Variants in RNF13 observed in about 807,000 individuals in gnomAD.
RNF13 encodes E3 ubiquitin-protein ligase RNF13.
A neutral mutation model predicts 37.7 loss-of-function variants in RNF13; 19 were observed. That is an observed-to-expected ratio of 0.50 (90% CI 0.35 to 0.74). The LOEUF is 0.74. Ranked by LOEUF, RNF13 falls within the 30% of genes least tolerant of loss-of-function variation. The pLI, the probability that RNF13 is intolerant of heterozygous loss-of-function variation, is 0.01. For missense variants in RNF13, 375 were observed against 453.0 expected, an observed-to-expected ratio of 0.83 and a Z score of 1.56; for synonymous variants, 144 against 157.8, an observed-to-expected ratio of 0.91 and a Z score of 0.65.
chr3:149,891,665 T>G (rs1237593782), intron 4 of RNF13, among the ~76,000 whole-genome samples: 2 of 152,248 alleles, frequency 1.3e-5, no homozygotes, highest in Admixed American at 1.3e-4. Flanking sequence ...AAAGGCAGAT[T>G]GCCAATACAA....
At chr3:149,910,036 A>G (rs754852818) in intron 6 of RNF13, among the ~76,000 whole-genome samples, 3 of 152,092 alleles carry the variant, frequency 2.0e-5, no homozygotes, top group South Asian at 2.1e-4. Flanking sequence ...AGGATATGCA[A>G]TAGTCTGGCT....
intron 8 of RNF13, among the ~76,000 whole-genome samples, chr3:149,948,561 CA>C (rs1721003707): frequency 6.6e-6 from 1 of 152,110 alleles, no homozygotes; most frequent in African/African-American, 2.4e-5. Flanking sequence ...AAAGTTCTAA[CA>C]ATCTGTTTTA....
chr3:149,943,884 C>T (rs1171213024), intron 8 of RNF13, among the ~76,000 whole-genome samples: 3 of 151,824 alleles, frequency 2.0e-5, no homozygotes, highest in Non-Finnish European at 4.4e-5. Context: ...CATATGTATA[C>T]ATGTGCCATG....
intron 1 of RNF13, among the ~76,000 whole-genome samples, chr3:149,817,529 C>A (rs1719591643): frequency 6.6e-6 from 1 of 152,162 alleles, no homozygotes; most frequent in Admixed American, 6.5e-5. Flanking sequence ...ATTATCCTGT[C>A]TTTGTTACCT....
intron 8 of RNF13, among the ~76,000 whole-genome samples, chr3:149,938,536 C>G (rs1490016478): frequency 6.6e-6 from 1 of 150,480 alleles, no homozygotes; most frequent in African/African-American, 2.5e-5. Flanking sequence ...TGTAATGCCT[C>G]TCTATCTGTG....
In RNF13 at chr3:149,872,014, C is replaced by T. The variant is rs1157616435; in HGVS notation, c.196-15C>T. The T allele has an allele frequency of 9.5e-6, 15 of 1,573,880 alleles. No homozygotes were observed. The highest frequency in any genetic ancestry group is 8.3e-5 in the Admixed American group (4 of 48,350). ...GAGTGAAACAGAGAGATAATTTTTA[C>T]CAATTCTTTTTCAGGGTTTTTTGAT... On this transcript the variant is annotated splice_polypyrimidine_tract_variant and intron_variant, in intron 3 of 9. Transcript: ENST00000392894.
At chr3:149,919,358 A>C (rs116051084) in intron 7 of RNF13, among the ~76,000 whole-genome samples, 1,837 of 152,244 alleles carry the variant, frequency 0.012, 31 homozygotes, top group African/African-American at 0.041. Flanking sequence ...AAAGTTTGGC[A>C]ATGCCTTCCT....
intron 1 of RNF13, among the ~76,000 whole-genome samples, chr3:149,816,224 T>TG (rs1238597483): frequency 6.6e-6 from 1 of 152,012 alleles, no homozygotes; most frequent in Non-Finnish European, 1.5e-5. Context: ...AAGTGGGAAG[T>TG]GGGGGAATTA....
chr3:149,867,105 T>C (rs1424865175), intron 3 of RNF13, among the ~76,000 whole-genome samples: 2 of 152,200 alleles, frequency 1.3e-5, no homozygotes, highest in Non-Finnish European at 2.9e-5. Flanking sequence ...TATGCTAAAG[T>C]TCCCTACTAT....
At chr3:149,950,052 G>A (rs1721165172) in intron 8 of RNF13, among the ~76,000 whole-genome samples, 1 of 151,910 alleles carries the variant, frequency 6.6e-6, no homozygotes, top group Non-Finnish European at 1.5e-5. Flanking sequence ...AAGATACTTT[G>A]CTCAAGATGT....
chr3:149,936,153 T>C (rs1344211185), intron 8 of RNF13, among the ~76,000 whole-genome samples: 2 of 152,124 alleles, frequency 1.3e-5, no homozygotes, highest in African/African-American at 2.4e-5. Context: ...TTTTCTGCTT[T>C]TATGCTCCTC....
intron 2 of RNF13, among the ~76,000 whole-genome samples, 183 bp downstream of exon 2, chr3:149,846,323 A>G (rs1200631405): frequency 6.6e-6 from 1 of 152,094 alleles, no homozygotes; most frequent in Admixed American, 6.5e-5. Context: ...ATTTTTTGAG[A>G]CGGAATTTCA....
At chr3:149,829,410 G>A (rs1438356457) in intron 1 of RNF13, among the ~76,000 whole-genome samples, 3 of 152,030 alleles carry the variant, frequency 2.0e-5, no homozygotes, top group Non-Finnish European at 4.4e-5. Flanking sequence ...AGAAAAACCT[G>A]TTTTTTCTTA....
At position 149,898,119 on chromosome 3, in the gene RNF13, T is replaced by C. The variant is rs546291093; in HGVS notation, c.409+2559T>C. ...TTCATCTATAATAGTGTGAATAATTTTGATAATTATTTGACCTGACAAATT... is the reference window on the plus strand; with the variant it reads ...TTCATCTATAATAGTGTGAATAATTCTGATAATTATTTGACCTGACAAATT... On this transcript the variant is annotated intron_variant, in intron 5 of 9. Coordinates refer to ENST00000392894, the MANE Select transcript of RNF13 (RefSeq NM_183381.3). Among the ~76,000 whole-genome samples, 2 of 152,330 alleles carry C rather than the reference T, an allele frequency of 1.3e-5. 1 individual carries two copies. The highest frequency in any genetic ancestry group is 4.1e-4 in the South Asian group (2 of 4,834).
chr3:149,958,024 A>T (rs1475709863), intron 8 of RNF13, among the ~76,000 whole-genome samples: 1 of 152,216 alleles, frequency 6.6e-6, no homozygotes, highest in African/African-American at 2.4e-5. Flanking sequence ...CTACGGCAAT[A>T]AAATATGGGA....
At chr3:149,866,402 C>T (rs1017848140) in intron 3 of RNF13, among the ~76,000 whole-genome samples, 6 of 152,226 alleles carry the variant, frequency 3.9e-5, no homozygotes, top group Non-Finnish European at 8.8e-5. Flanking sequence ...TGTAAAGTGT[C>T]ATGGCGCTGG....
chr3:149,840,122 A>G (rs1722023249), intron 1 of RNF13, among the ~76,000 whole-genome samples: 1 of 152,348 alleles, frequency 6.6e-6, no homozygotes, highest in Admixed American at 6.5e-5. Context: ...GTGTTATAAT[A>G]CAGACTGAAC....
At chr3:149,861,060 T>C (rs1394734522) in intron 3 of RNF13, among the ~76,000 whole-genome samples, 11 of 152,064 alleles carry the variant, frequency 7.2e-5, no homozygotes, top group Non-Finnish European at 1.0e-4. Flanking sequence ...CACAGCGAGA[T>C]AGCATCTTAA....
intron 8 of RNF13, among the ~76,000 whole-genome samples, chr3:149,934,467 A>T (rs1719481920): frequency 6.6e-6 from 1 of 151,654 alleles, no homozygotes; most frequent in Non-Finnish European, 1.5e-5. Flanking sequence ...CTCCTTTTTG[A>T]TGGAGGATTA....
Sources: gnomAD v4.1 joint callset for allele counts (sites outside exome capture counted in the v4.1 genomes callset) on GRCh38, gnomAD v4.1.1 for gene constraint, MANE v1.5 for transcripts, NCBI Gene and HGNC (gene_info 2026-07-23, HGNC 2026-07-21) for gene names.